Variants in HS6ST3 observed in about 807,000 individuals in gnomAD.
HS6ST3 encodes heparan-sulfate 6-O-sulfotransferase 3.
HS6ST3 carries 12 observed loss-of-function variants against 36.7 expected under a neutral mutation model. That is an observed-to-expected ratio of 0.33 (90% CI 0.21 to 0.53). HS6ST3 has a LOEUF of 0.53. HS6ST3 is among the 20% of genes least tolerant of loss of function. The pLI is 0.95. For missense variants in HS6ST3, 584 were observed against 640.9 expected, an observed-to-expected ratio of 0.91 and a Z score of 0.96; for synonymous variants, 240 against 257.5, an observed-to-expected ratio of 0.93 and a Z score of 0.65.
chr13:96,709,922 T>C (rs1351354441), intron 1 of HS6ST3, among the ~76,000 whole-genome samples: 1 of 152,216 alleles, frequency 6.6e-6, no homozygotes, highest in Non-Finnish European at 1.5e-5. Flanking sequence ...TGATTACCTT[T>C]TGGTAGCTTG....
intron 1 of HS6ST3, among the ~76,000 whole-genome samples, chr13:96,127,011 C>T (rs2053955443): frequency 6.6e-6 from 1 of 152,130 alleles, no homozygotes; most frequent in South Asian, 2.1e-4. Flanking sequence ...AATTTAGCTA[C>T]CATTTCGGCC....
At position 96,235,850 on chromosome 13, in the gene HS6ST3, CT is replaced by C. The variant is rs564540156; in HGVS notation, c.707+144282del. ...TCTCTAGAGGGACAGAACTAATAGG[CT>C]ACATGTATATATGGAGGGGAGTTCA... is the stretch of plus-strand genomic sequence containing the variant. On this transcript the variant is annotated intron_variant, in intron 1 of 1. Coordinates refer to ENST00000376705, the MANE Select transcript of HS6ST3 (RefSeq NM_153456.4). 1.8e-3 allele frequency among the ~76,000 whole-genome samples: 275 copies of C among 152,154 alleles called. 1 individual carries two copies. Among genetic ancestry groups the C allele is most frequent in the African/African-American group, 6.3e-3 (262 of 41,508 alleles).
intron 1 of HS6ST3, among the ~76,000 whole-genome samples, chr13:96,681,402 T>C (rs1594834821): frequency 6.6e-6 from 1 of 152,114 alleles, no homozygotes; most frequent in African/African-American, 2.4e-5. Context: ...TCTTAGCTTA[T>C]GTCTTTTCAT....
chr13:96,729,040 G>A (rs7992063), intron 1 of HS6ST3, among the ~76,000 whole-genome samples: 1,695 of 152,288 alleles, frequency 0.011, 27 homozygotes, highest in African/African-American at 0.039. Context: ...AGAGGAGTAA[G>A]AACTGAAGCT....
chr13:96,563,831 C>T (rs1313146821), intron 1 of HS6ST3, among the ~76,000 whole-genome samples: 1 of 152,162 alleles, frequency 6.6e-6, no homozygotes, highest in East Asian at 1.9e-4. Flanking sequence ...ACCTCTCATG[C>T]ACACCTTCTT....
intron 1 of HS6ST3, among the ~76,000 whole-genome samples, chr13:96,337,518 G>C (rs2055108015): frequency 6.6e-6 from 1 of 152,060 alleles, no homozygotes; most frequent in Non-Finnish European, 1.5e-5. Context: ...CAGCATTGCT[G>C]TTGAGATACC....
chr13:96,207,713 C>T (rs764112341), intron 1 of HS6ST3, among the ~76,000 whole-genome samples: 4 of 152,268 alleles, frequency 2.6e-5, no homozygotes, highest in Middle Eastern at 3.4e-3. Flanking sequence ...TTATCTTCAG[C>T]AAACTAATGC....
intron 1 of HS6ST3, among the ~76,000 whole-genome samples, chr13:96,235,147 C>T (rs1006942154): frequency 1.3e-5 from 2 of 152,048 alleles, no homozygotes; most frequent in African/African-American, 4.8e-5. Context: ...ATGTGATATA[C>T]AGTTAAGGAA....
At chr13:96,297,440 T>C (rs1234815624) in intron 1 of HS6ST3, among the ~76,000 whole-genome samples, 1 of 152,146 alleles carries the variant, frequency 6.6e-6, no homozygotes, top group East Asian at 1.9e-4. Flanking sequence ...GAACTCTTAA[T>C]CCATCTTTTA....
At chr13:96,338,370 T>C (rs1256957793) in intron 1 of HS6ST3, among the ~76,000 whole-genome samples, 2 of 152,150 alleles carry the variant, frequency 1.3e-5, no homozygotes. Context: ...AAGGGGACCC[T>C]GGGGCTCACA....
intron 1 of HS6ST3, among the ~76,000 whole-genome samples, chr13:96,637,627 T>TA: frequency 6.6e-6 from 1 of 152,182 alleles, no homozygotes; most frequent in East Asian, 1.9e-4. Context: ...CCTTAGAAGT[T>TA]ACATGGTAAT....
In HS6ST3 at chr13:96,092,312, A is replaced by G. The variant is rs549401650; in HGVS notation, c.707+743A>G. 9.2e-5 allele frequency among the ~76,000 whole-genome samples: 14 copies of G among 152,314 alleles called. No individual in the cohort carries two copies. The South Asian group carries it at 2.3e-3, about 25-fold the overall frequency. On this transcript the variant is annotated intron_variant, in intron 1 of 1. Coordinates refer to ENST00000376705, the MANE Select transcript of HS6ST3 (RefSeq NM_153456.4). ...ACAGTGTGCTAGGTGTTAAGTGAGT[A>G]TAAAGATAACATAACATCCCTTGTT...
intron 1 of HS6ST3, among the ~76,000 whole-genome samples, chr13:96,623,103 C>G (rs1251157121): frequency 1.3e-5 from 2 of 151,834 alleles, no homozygotes; most frequent in Admixed American, 1.3e-4. Context: ...GAACTTTTTT[C>G]ATTTTATTTG....
chr13:96,765,060 CTTTTTTTTTTTTT>C (rs11423735), intron 1 of HS6ST3, among the ~76,000 whole-genome samples: 4 of 93,910 alleles, frequency 4.3e-5, no homozygotes, highest in East Asian at 3.3e-4. Flanking sequence ...TTGTTTCTTT[CTTTTTTTTTTTTT>C]TTTTTTTTTT....
chr13:96,543,560 A>G (rs1435212459), intron 1 of HS6ST3, among the ~76,000 whole-genome samples: 1 of 152,198 alleles, frequency 6.6e-6, no homozygotes, highest in East Asian at 1.9e-4. Flanking sequence ...CCTTCTCCCT[A>G]TGGATCATCT....
chr13:96,168,873 A>C (rs2054173515), intron 1 of HS6ST3, among the ~76,000 whole-genome samples: 1 of 152,142 alleles, frequency 6.6e-6, no homozygotes, highest in African/African-American at 2.4e-5. Context: ...CCATCACCTG[A>C]ATAGTGAACA....
intron 1 of HS6ST3, among the ~76,000 whole-genome samples, chr13:96,777,454 TA>T (rs1877415441): frequency 6.6e-6 from 1 of 152,204 alleles, no homozygotes. Flanking sequence ...AAAATCTCCT[TA>T]AGCTGATAAG....
chr13:96,397,497 T>A (rs532869603), intron 1 of HS6ST3, among the ~76,000 whole-genome samples: 4 of 152,294 alleles, frequency 2.6e-5, no homozygotes, highest in African/African-American at 9.6e-5. Context: ...CTCATCAATA[T>A]AAATTGTTAA....
chr13:96,665,315 G>A (rs188238797), intron 1 of HS6ST3, among the ~76,000 whole-genome samples: 105 of 152,238 alleles, frequency 6.9e-4, no homozygotes, highest in Non-Finnish European at 1.2e-3. Flanking sequence ...CACATACATA[G>A]CAATGGAGCT....
Sources: allele counts gnomAD v4.1 joint callset (sites outside exome capture counted in the v4.1 genomes callset), GRCh38; gene constraint gnomAD v4.1.1; transcripts MANE v1.5; gene names NCBI Gene and HGNC (gene_info 2026-07-23, HGNC 2026-07-21).